ATF7: variants seen among roughly 807,000 people sequenced by gnomAD.
ATF7 encodes cyclic AMP-dependent transcription factor ATF-7.
In ATF7, 10 loss-of-function variants were observed where a neutral mutation model predicts 50.4. The ratio of observed to expected loss-of-function variants is 0.20; its 90% CI spans 0.12 to 0.34. ATF7 has a LOEUF of 0.34. Among genes scored for constraint, ATF7 ranks in the 10% least tolerant of loss-of-function variants. ATF7 has a pLI of 1.00. For synonymous variants in ATF7, 201 were observed against 226.4 expected (o/e 0.89, Z 1.01); for missense variants, 465 against 613.9 (o/e 0.76, Z 2.56).
chr12:53,587,843 A>ATATATT, intron 2 of ATF7, among the ~76,000 whole-genome samples: 15 of 61,552 alleles, frequency 2.4e-4, no homozygotes, highest in South Asian at 7.4e-4. Context: ...ATATATATAT[A>ATATATT]TTTTTTTTTT....
At chr12:53,543,595 A>G in intron 3 of ATF7, 147 bp from the exon 4 acceptor site, 1 of 817,594 alleles carries the variant, frequency 1.2e-6, no homozygotes, top group Non-Finnish European at 1.9e-6. Context: ...ATGGAGCTCT[A>G]GTAGGCGAAG....
downstream of ATF7, among the ~76,000 whole-genome samples, chr12:53,511,027 C>G (rs958170132): frequency 1.3e-5 from 2 of 152,220 alleles, no homozygotes; most frequent in African/African-American, 4.8e-5. Context: ...CAAGTGTCTA[C>G]CAAACACCAG....
At chr12:53,620,160 C>T (rs1454294500) in intron 1 of ATF7, among the ~76,000 whole-genome samples, 1 of 151,856 alleles carries the variant, frequency 6.6e-6, no homozygotes, top group African/African-American at 2.4e-5. Context: ...AAACCATGGC[C>T]GAGCACGGTG....
chr12:53,534,169 C>T (rs947655801), intron 6 of ATF7, among the ~76,000 whole-genome samples: 3 of 151,926 alleles, frequency 2.0e-5, no homozygotes, highest in Non-Finnish European at 4.4e-5. Flanking sequence ...CCCAGCTACT[C>T]GGGAGGCTGA....
At chr12:53,604,156 G>C (rs1943510531) in intron 1 of ATF7, among the ~76,000 whole-genome samples, 3 of 152,102 alleles carry the variant, frequency 2.0e-5, no homozygotes, top group African/African-American at 7.2e-5. Context: ...AAGGAGAAGT[G>C]GGATGCTTTC....
rs376044604 is a variant in ATF7, at chr12:53,517,182, T to C, written c.1407A>G (p.Gln469=). ...SQRTELSMPI[Q]SHVIMTPQSQ... ...ACTGTGGGGTCATGATTACATGCGATTGTATCGGCATGCTCAGTTCTGTCC... is the reference window on the plus strand; with the variant it reads ...ACTGTGGGGTCATGATTACATGCGACTGTATCGGCATGCTCAGTTCTGTCC... Residue 469 remains glutamine, a synonymous_variant, in exon 12 of 12, where the codon CAA becomes CAG. Coordinates refer to ENST00000420353, the MANE Select transcript of ATF7 (RefSeq NM_006856.3). 219 of 1,613,802 alleles carry C rather than the reference T, an allele frequency of 1.4e-4. No individual in the cohort carries two copies. The highest frequency in any genetic ancestry group is 1.8e-4 in the Non-Finnish European group (217 of 1,179,898).
At position 53,570,925 on chromosome 12, in the gene ATF7, C is replaced by T. The variant is rs562290857; in HGVS notation, c.49-18288G>A. ...TTTAAGGTACCTGGGGTTAAGACTTCACCATAAAAATTCAATTCAATCCAT... is the reference window on the plus strand; with the variant it reads ...TTTAAGGTACCTGGGGTTAAGACTTTACCATAAAAATTCAATTCAATCCAT... On this transcript the variant is annotated intron_variant, in intron 2 of 11. Transcript: ENST00000420353. Among the ~76,000 whole-genome samples the T allele has an allele frequency of 8.3e-4, 127 of 152,206 alleles. 1 individual carries two copies. The highest frequency in any genetic ancestry group is 2.9e-3 in the African/African-American group (119 of 41,524).
At chr12:53,562,053 T>C (rs1374426480) in intron 2 of ATF7, among the ~76,000 whole-genome samples, 1 of 152,230 alleles carries the variant, frequency 6.6e-6, no homozygotes, top group Non-Finnish European at 1.5e-5. Context: ...TTTTCTGTTT[T>C]GGGAAGGCTG....
chr12:53,591,695 T>C (rs1183665088), intron 2 of ATF7, among the ~76,000 whole-genome samples: 1 of 152,192 alleles, frequency 6.6e-6, no homozygotes, highest in Non-Finnish European at 1.5e-5. Flanking sequence ...AAAGAAGATC[T>C]GACCCTTGGG....
In ATF7 at chr12:53,600,988, T is replaced by G. The variant is rs968433679; in HGVS notation, c.13A>C (p.Arg5=). Residue 5 remains arginine, a synonymous_variant, in exon 2 of 12, where the codon AGA becomes CGA. Transcript: ENST00000420353. MGDD[R]PFVCNAPGCG... is the part of the protein sequence containing the mutation. ...CCCGGGGCATTGCACACAAACGGTC[T>G]GTCGTCTCCCATATTTCATATAGCA... 3.1e-6 allele frequency: 5 copies of G among 1,613,272 alleles called. No individual in the cohort carries two copies. The African/African-American group carries it at 6.7e-5, about 22-fold the overall frequency.
chr12:53,620,304 C>T (rs967747166), intron 1 of ATF7, among the ~76,000 whole-genome samples: 3 of 151,878 alleles, frequency 2.0e-5, no homozygotes, highest in Non-Finnish European at 2.9e-5. Flanking sequence ...AGGCCGGGCG[C>T]GGTGGCTCAC....
chr12:53,615,089 G>GA (rs952486526), intron 1 of ATF7, among the ~76,000 whole-genome samples: 43 of 133,634 alleles, frequency 3.2e-4, no homozygotes, highest in South Asian at 9.5e-4. Context: ...CAAAAGAAAA[G>GA]AAAAAAAAAA....
intron 1 of ATF7, among the ~76,000 whole-genome samples, chr12:53,620,276 T>TA (rs558186303): frequency 3.3e-4 from 50 of 151,652 alleles, no homozygotes; most frequent in African/African-American, 1.2e-3. Flanking sequence ...CCATATCTAC[T>TA]AAAAAAATAC....
At chr12:53,614,914 C>T in intron 1 of ATF7, among the ~76,000 whole-genome samples, 1 of 152,012 alleles carries the variant, frequency 6.6e-6, no homozygotes, top group African/African-American at 2.4e-5. Context: ...AACCCTGTCT[C>T]TACTAAAAAT....
intron 2 of ATF7, among the ~76,000 whole-genome samples, chr12:53,595,364 C>A (rs1943112113): frequency 6.6e-6 from 1 of 152,214 alleles, no homozygotes; most frequent in African/African-American, 2.4e-5. Context: ...CCAACTCATT[C>A]TTTCCTGCTT....
chr12:53,563,469 A>AAAT (rs1208030415), intron 2 of ATF7, among the ~76,000 whole-genome samples: 1 of 152,078 alleles, frequency 6.6e-6, no homozygotes, highest in Non-Finnish European at 1.5e-5. Flanking sequence ...GAAAAAAAAA[A>AAAT]AATTAGCCAG....
chr12:53,515,011 G>C lies in ATF7; in HGVS notation c.*2126C>G. The C allele has an allele frequency of 6.6e-6, 1 of 152,224 alleles. No individual in the cohort carries two copies. Among genetic ancestry groups the C allele is most frequent in the East Asian group, 1.9e-4 (1 of 5,202 alleles). The allele number at this position is 152,224 out of a possible 1,614,324, so 9.4% of individuals were successfully genotyped here. A position where few individuals can be genotyped will look rare whatever the true frequency, so the allele number is the denominator to read the frequency against. The stretch of plus-strand genomic sequence containing the variant: ...AGTCCTGAGCACAAGTTACGGCTGT[G>C]AATTTTTAAAGGCAAAAGTGAAGTC... On this transcript the variant is annotated 3_prime_UTR_variant, in exon 12 of 12. Coordinates refer to ENST00000420353, the MANE Select transcript of ATF7 (RefSeq NM_006856.3).
downstream of ATF7, among the ~76,000 whole-genome samples, chr12:53,508,420 C>T (rs376925445): frequency 1.2e-4 from 18 of 150,480 alleles, no homozygotes; most frequent in Non-Finnish European, 1.8e-4. Flanking sequence ...ATTAGCTGGG[C>T]GTGGTGGTAG....
intron 2 of ATF7, among the ~76,000 whole-genome samples, chr12:53,559,677 T>TGA (rs1592869736): frequency 1.9e-5 from 1 of 51,412 alleles, no homozygotes; most frequent in Non-Finnish European, 3.5e-5. Flanking sequence ...AGACTCCATC[T>TGA]CAAAAAAAAA....
Sources: allele counts gnomAD v4.1 joint callset (sites outside exome capture counted in the v4.1 genomes callset), GRCh38; gene constraint gnomAD v4.1.1; transcripts MANE v1.5; gene names NCBI Gene and HGNC (gene_info 2026-07-23, HGNC 2026-07-21).